The following TLK2 variants were observed in gnomAD, a reference collection of about 807,000 sequenced individuals.
The protein encoded by TLK2 is serine/threonine-protein kinase tousled-like 2.
A neutral mutation model predicts 117.3 loss-of-function variants in TLK2; 6 were observed. The ratio of observed to expected loss-of-function variants is 0.05; its 90% CI spans 0.03 to 0.10. TLK2 has a LOEUF of 0.10. Among genes scored for constraint, TLK2 ranks in the 10% least tolerant of loss-of-function variants. The pLI is 1.00. For synonymous variants in TLK2, 257 were observed against 316.7 expected (o/e 0.81, Z 2.00); for missense variants, 299 against 901.2 (o/e 0.33, Z 8.56).
rs773128731 is a variant in TLK2, at chr17:62,602,229, C to T, written c.1859+49C>T. On this transcript the variant is annotated intron_variant, in intron 19 of 21. Coordinates refer to ENST00000346027, the MANE Select transcript of TLK2 (RefSeq NM_006852.6). ...GGTTGGCTATAGAGATGTGGCTCTG[C>T]TATGCTGAAGTGTTGATAATGAATT... is the stretch of plus-strand genomic sequence containing the variant. The T allele has an allele frequency of 4.4e-6, 7 of 1,587,892 alleles. No individual in the cohort carries two copies. The South Asian group carries it at 8.1e-5, about 18-fold the overall frequency.
chr17:62,504,542 G>A (rs1598266039), intron 2 of TLK2, among the ~76,000 whole-genome samples: 1 of 152,196 alleles, frequency 6.6e-6, no homozygotes, highest in Admixed American at 6.5e-5. Flanking sequence ...GGTGGCTCAT[G>A]CCTATAATCT....
chr17:62,511,639 G>A (rs1222926953), intron 2 of TLK2, among the ~76,000 whole-genome samples: 1 of 152,208 alleles, frequency 6.6e-6, no homozygotes, highest in Non-Finnish European at 1.5e-5. Context: ...CAAAGTGCTA[G>A]AATTACAGGT....
intron 21 of TLK2, among the ~76,000 whole-genome samples, chr17:62,608,644 G>C (rs1226697446): frequency 6.6e-6 from 1 of 152,170 alleles, no homozygotes; most frequent in Non-Finnish European, 1.5e-5. Context: ...GCTCAGCATG[G>C]CTGGGGAGAC....
intron 11 of TLK2, among the ~76,000 whole-genome samples, chr17:62,565,514 G>A (rs1055869888): frequency 1.3e-5 from 2 of 151,926 alleles, no homozygotes; most frequent in African/African-American, 4.8e-5. Context: ...TTAGCCAGGC[G>A]TGGTGGCAGG....
intron 9 of TLK2, among the ~76,000 whole-genome samples, chr17:62,555,670 G>A (rs930426946): frequency 7.3e-5 from 11 of 151,590 alleles, no homozygotes; most frequent in Non-Finnish European, 1.6e-4. Flanking sequence ...GTAGAGACGG[G>A]GTTTCACCAT....
chr17:62,489,255 C>T (rs1308988685), intron 2 of TLK2, among the ~76,000 whole-genome samples: 1 of 149,026 alleles, frequency 6.7e-6, no homozygotes, highest in African/African-American at 2.5e-5. Flanking sequence ...GGCTTGAGTG[C>T]AGTGGTGCGA....
chr17:62,570,109 T>A (rs548557156), intron 11 of TLK2, among the ~76,000 whole-genome samples: 28 of 152,326 alleles, frequency 1.8e-4, no homozygotes, highest in African/African-American at 6.7e-4. Flanking sequence ...TAAGGTCCTA[T>A]CATGTCCAGT....
chr17:62,578,678 G>T lies in TLK2; in HGVS notation c.1286+104G>T, dbSNP rs973573532. The T allele has an allele frequency of 5.9e-6, 5 of 842,824 alleles. No homozygotes were observed. The East Asian group carries it at 1.0e-4, about 17-fold the overall frequency. The allele number at this position is 842,824 out of a possible 1,614,324, so 52.2% of individuals were successfully genotyped here. ...TTTGCTTAATGTAAGTTACATAAATGATTCCATGGTGTATTTAGCTCTTTT... is the reference window on the plus strand; with the variant it reads ...TTTGCTTAATGTAAGTTACATAAATTATTCCATGGTGTATTTAGCTCTTTT... On this transcript the variant is annotated intron_variant, in intron 14 of 21. Coordinates refer to ENST00000346027, the MANE Select transcript of TLK2 (RefSeq NM_006852.6).
chr17:62,599,443 G>A (rs530186094), intron 17 of TLK2, among the ~76,000 whole-genome samples: 5 of 152,164 alleles, frequency 3.3e-5, no homozygotes, highest in African/African-American at 4.8e-5. Flanking sequence ...TGTATCTTTG[G>A]GGGGTTAGCC....
intron 2 of TLK2, among the ~76,000 whole-genome samples, chr17:62,509,770 C>T (rs1302268559): frequency 6.6e-6 from 1 of 152,196 alleles, no homozygotes; most frequent in African/African-American, 2.4e-5. Flanking sequence ...TCTGTTTTTA[C>T]ACCTTGCCAT....
intron 2 of TLK2, among the ~76,000 whole-genome samples, chr17:62,512,708 C>T (rs557339593): frequency 6.6e-6 from 1 of 151,880 alleles, no homozygotes; most frequent in East Asian, 1.9e-4. Context: ...ATCAGTGTTT[C>T]CTTTTGTGGA....
intron 2 of TLK2, among the ~76,000 whole-genome samples, chr17:62,485,361 C>A (rs898863493): frequency 2.0e-5 from 3 of 152,142 alleles, no homozygotes; most frequent in African/African-American, 7.2e-5. Flanking sequence ...GTATAACTTT[C>A]GAGTTTTTTC....
At chr17:62,548,448 A>G (rs541617745) in intron 7 of TLK2, among the ~76,000 whole-genome samples, 1 of 151,402 alleles carries the variant, frequency 6.6e-6, no homozygotes, top group South Asian at 2.1e-4. Flanking sequence ...CACCTGGCTA[A>G]TTTTTTATAT....
intron 2 of TLK2, among the ~76,000 whole-genome samples, chr17:62,506,193 A>C (rs2074673905): frequency 6.6e-6 from 1 of 152,236 alleles, no homozygotes; most frequent in African/African-American, 2.4e-5. Flanking sequence ...GGCAGGTCAC[A>C]GATGAGATTG....
At chr17:62,553,132 G>T (rs894539596) in intron 8 of TLK2, among the ~76,000 whole-genome samples, 1 of 152,138 alleles carries the variant, frequency 6.6e-6, no homozygotes, top group Non-Finnish European at 1.5e-5. Flanking sequence ...AGACAGGATC[G>T]TTGGCAATCT....
At chr17:62,501,589 A>G (rs867580757) in intron 2 of TLK2, among the ~76,000 whole-genome samples, 1 of 151,938 alleles carries the variant, frequency 6.6e-6, no homozygotes, top group Non-Finnish European at 1.5e-5. Context: ...AAATACTGGA[A>G]GAAAAAACAA....
At chr17:62,476,140 G>A (rs1202678476), upstream of TLK2, among the ~76,000 whole-genome samples, 5 of 151,800 alleles carry the variant, frequency 3.3e-5, no homozygotes, top group Non-Finnish European at 7.4e-5. Context: ...CCACTATGCC[G>A]AGCTAATTTT....
chr17:62,606,025 AAC>A (rs1294677224), intron 19 of TLK2, 103 bp from the exon 20 acceptor site: 50 of 461,172 alleles, frequency 1.1e-4, no homozygotes, highest in African/African-American at 1.2e-4. Flanking sequence ...AAAAAAAAAA[AAC>A]GATATTTCTA....
At chr17:62,546,344 G>GTTTTTTTTTTTCTTTTTTTT (rs2077924040) in intron 7 of TLK2, among the ~76,000 whole-genome samples, 1 of 23,346 alleles carries the variant, frequency 4.3e-5, no homozygotes, top group Non-Finnish European at 9.6e-5. Flanking sequence ...TTTGTTGATT[G>GTTTTTTTTTTTCTTTTTTTT]TTTTTTTTTT....
Sources: allele counts gnomAD v4.1 joint callset (sites outside exome capture counted in the v4.1 genomes callset), GRCh38; gene constraint gnomAD v4.1.1; transcripts MANE v1.5; gene names NCBI Gene and HGNC (gene_info 2026-07-23, HGNC 2026-07-21).